The following KIF26B variants were observed in gnomAD, a reference collection of about 807,000 sequenced individuals.
The protein encoded by KIF26B is kinesin-like protein KIF26B.
In KIF26B, 63 loss-of-function variants were observed where a neutral mutation model predicts 151.2. That is an observed-to-expected ratio of 0.42 (90% CI 0.34 to 0.51). The LOEUF (loss-of-function observed/expected upper bound fraction) is 0.51. Ranked by LOEUF, KIF26B falls within the 20% of genes least tolerant of loss-of-function variation. The pLI is 0.07. For synonymous variants in KIF26B, 1,357 were observed against 1,262.1 expected (o/e 1.08, Z -1.59); for missense variants, 2,813 against 2,913.6 (o/e 0.97, Z 0.79).
Position 245,239,761 on chromosome 1 carries a change from G to T in KIF26B, c.465+83078G>T, listed in dbSNP as rs986874892. Reference sequence around the variant, plus strand: ...CTCAGGTGATCTGGCCTCCCAGAGTGCTGGGATTACAGGCATGAGCCATTG... The same window carrying T: ...CTCAGGTGATCTGGCCTCCCAGAGTTCTGGGATTACAGGCATGAGCCATTG... On this transcript the variant is annotated intron_variant, in intron 2 of 14. Coordinates refer to ENST00000407071, the MANE Select transcript of KIF26B (RefSeq NM_018012.4). The surrounding 1 kb of genome is among the most constrained non-coding windows in gnomAD (Gnocchi z 4.3). 6.6e-6 allele frequency among the ~76,000 whole-genome samples: 1 copy of T among 152,120 alleles called. No homozygotes were observed. The highest frequency in any genetic ancestry group is 2.4e-5 in the African/African-American group (1 of 41,408).
chr1:245,215,520 G>A (rs1467671928), intron 2 of KIF26B, among the ~76,000 whole-genome samples: 1 of 152,158 alleles, frequency 6.6e-6, no homozygotes, highest in Non-Finnish European at 1.5e-5. Flanking sequence ...CTGAAAGCCA[G>A]TGGAGGCTTC....
chr1:245,524,598 G>A (rs1661195790), intron 4 of KIF26B, among the ~76,000 whole-genome samples: 1 of 152,092 alleles, frequency 6.6e-6, no homozygotes, highest in South Asian at 2.1e-4. Context: ...ATAAGATGAA[G>A]GATATCTTCT....
At chr1:245,648,798 C>T (rs781365321) in intron 10 of KIF26B, among the ~76,000 whole-genome samples, 42 of 152,186 alleles carry the variant, frequency 2.8e-4, no homozygotes, top group Admixed American at 4.6e-4. Context: ...CAGGAGTCCC[C>T]TTCCTTCTAT....
At chr1:245,450,886 T>C (rs1659374323) in intron 4 of KIF26B, among the ~76,000 whole-genome samples, 2 of 152,210 alleles carry the variant, frequency 1.3e-5, no homozygotes, top group East Asian at 1.9e-4. Context: ...ATTTTTAAGA[T>C]ATTTTAAGAT....
At chr1:245,301,505 A>G (rs1436224917) in intron 2 of KIF26B, among the ~76,000 whole-genome samples, 1 of 152,086 alleles carries the variant, frequency 6.6e-6, no homozygotes, top group African/African-American at 2.4e-5. Flanking sequence ...TGCCTGGCCA[A>G]AGTCTGGCCG....
chr1:245,157,587 G>T (rs1273194200), intron 2 of KIF26B, among the ~76,000 whole-genome samples: 1 of 152,228 alleles, frequency 6.6e-6, no homozygotes, highest in African/African-American at 2.4e-5. Flanking sequence ...TGCGTATGCA[G>T]ATACACACGT....
intron 5 of KIF26B, among the ~76,000 whole-genome samples, chr1:245,550,170 A>G (rs1243672482): frequency 6.6e-6 from 1 of 152,188 alleles, no homozygotes; most frequent in Non-Finnish European, 1.5e-5. Context: ...TGCCACAACC[A>G]AAGATTCAGA....
rs555899793 is a variant in KIF26B, at chr1:245,579,276, A to G, written c.1351-23301A>G. ...CATTCTGGAAACTTTGCACAAAGAAAAATTAGTGTTTATCCCTACAGTTGA... is the reference window on the plus strand; with the variant it reads ...CATTCTGGAAACTTTGCACAAAGAAGAATTAGTGTTTATCCCTACAGTTGA... On this transcript the variant is annotated intron_variant, in intron 5 of 14. Transcript: ENST00000407071. Among the ~76,000 whole-genome samples, 16 of 152,340 alleles carry G rather than the reference A, an allele frequency of 1.1e-4. No individual in the cohort carries two copies. In the East Asian group the frequency reaches 2.9e-3, roughly 28 times the overall value.
intron 14 of KIF26B, among the ~76,000 whole-genome samples, 176 bp downstream of exon 14, chr1:245,699,213 G>A (rs897000731): frequency 2.0e-4 from 31 of 152,300 alleles, no homozygotes; most frequent in Non-Finnish European, 3.4e-4. Flanking sequence ...GGGGATGGGC[G>A]GGAGGGGCCG....
chr1:245,559,127 G>A (rs193009666), intron 5 of KIF26B, among the ~76,000 whole-genome samples: 47 of 152,232 alleles, frequency 3.1e-4, no homozygotes, highest in South Asian at 1.2e-3. Flanking sequence ...CAGAAGGATC[G>A]CTTGAGCCCA....
chr1:245,374,136 T>TATATATATATATAC (rs1297569545), intron 3 of KIF26B, among the ~76,000 whole-genome samples: 20 of 84,088 alleles, frequency 2.4e-4, no homozygotes, highest in African/African-American at 8.1e-4. Context: ...TATATATATA[T>TATATATATATATAC]ATGGGCACAA....
intron 10 of KIF26B, among the ~76,000 whole-genome samples, chr1:245,655,239 G>A (rs935637792): frequency 6.6e-6 from 1 of 152,088 alleles, no homozygotes; most frequent in Admixed American, 6.5e-5. Flanking sequence ...CTTACTCCTC[G>A]TCCACCTCAG....
intron 5 of KIF26B, among the ~76,000 whole-genome samples, chr1:245,600,120 C>G (rs113629146): frequency 1.2e-4 from 15 of 128,028 alleles, no homozygotes; most frequent in South Asian, 2.5e-4. Context: ...CTCACCACAA[C>G]CTCCGCTTCC....
At chr1:245,644,560 A>T (rs2043926502) in intron 9 of KIF26B, among the ~76,000 whole-genome samples, 1 of 152,144 alleles carries the variant, frequency 6.6e-6, no homozygotes. Flanking sequence ...CATTACTTGG[A>T]AACAGTTTGA....
intron 4 of KIF26B, among the ~76,000 whole-genome samples, chr1:245,438,396 C>T (rs959778225): frequency 1.5e-4 from 23 of 152,248 alleles, no homozygotes; most frequent in African/African-American, 5.1e-4. Context: ...TTGAGAACTA[C>T]GTTTACTTTC....
chr1:245,159,189 C>CA (rs1668495212), intron 2 of KIF26B, among the ~76,000 whole-genome samples: 1 of 152,078 alleles, frequency 6.6e-6, no homozygotes, highest in South Asian at 2.1e-4. Flanking sequence ...GAGTAATTAA[C>CA]AAAAATCATC....
chr1:245,464,083 T>C (rs759342690), intron 4 of KIF26B, among the ~76,000 whole-genome samples: 5 of 152,206 alleles, frequency 3.3e-5, no homozygotes, highest in Non-Finnish European at 5.9e-5. Context: ...TTCTTCAAAC[T>C]TCTACCAGTT....
chr1:245,485,445 G>A (rs1212085234), intron 4 of KIF26B, among the ~76,000 whole-genome samples: 1 of 150,608 alleles, frequency 6.6e-6, no homozygotes, highest in African/African-American at 2.4e-5. Context: ...GTGCAATGGC[G>A]TGATCTCGGC....
chr1:245,265,158 T>C (rs1297076847), intron 2 of KIF26B, among the ~76,000 whole-genome samples: 1 of 142,670 alleles, frequency 7.0e-6, no homozygotes, highest in African/African-American at 2.7e-5. Flanking sequence ...GTGGAGATCT[T>C]GCCACTGCAT....
Sources: allele counts gnomAD v4.1 joint callset (sites outside exome capture counted in the v4.1 genomes callset), GRCh38; gene constraint gnomAD v4.1.1; non-coding constraint Gnocchi (gnomAD v3.1); transcripts MANE v1.5; gene names NCBI Gene and HGNC (gene_info 2026-07-23, HGNC 2026-07-21).